Variants in MYT1L observed in about 807,000 individuals in gnomAD.
The protein encoded by MYT1L is myelin transcription factor 1-like protein.
Under a neutral mutation model 126.7 loss-of-function variants are expected in MYT1L, and 12 were observed. That is an observed-to-expected ratio of 0.09 (90% confidence interval 0.06 to 0.15). MYT1L has a LOEUF of 0.15. Ranked by LOEUF, MYT1L falls within the 10% of genes least tolerant of loss-of-function variation. The pLI is 1.00. For synonymous variants in MYT1L, 541 were observed against 604.2 expected, an observed-to-expected ratio of 0.90 and a Z score of 1.53; for missense variants, 979 against 1,585.2, an observed-to-expected ratio of 0.62 and a Z score of 6.49.
chr2:1,843,212 C>T (rs1235360863), intron 19 of MYT1L, among the ~76,000 whole-genome samples: 1 of 152,250 alleles, frequency 6.6e-6, no homozygotes, highest in African/African-American at 2.4e-5. Context: ...GCCTGGCTGT[C>T]CTCACAGTGC....
At chr2:2,176,787 C>T (rs150910640) in intron 2 of MYT1L, among the ~76,000 whole-genome samples, 1 of 152,144 alleles carries the variant, frequency 6.6e-6, no homozygotes, top group Non-Finnish European at 1.5e-5. Context: ...GCATGAATCA[C>T]CATGCCTGGC....
intron 3 of MYT1L, among the ~76,000 whole-genome samples, chr2:2,068,430 A>G (rs1360820025): frequency 6.6e-6 from 1 of 152,072 alleles, no homozygotes; most frequent in African/African-American, 2.4e-5. Context: ...CACCCAGGCC[A>G]GGGACCCTCC....
intron 3 of MYT1L, among the ~76,000 whole-genome samples, chr2:2,170,325 A>G (rs545856156): frequency 7.2e-5 from 11 of 152,224 alleles, no homozygotes; most frequent in Non-Finnish European, 1.6e-4. Flanking sequence ...GCTGTAAATA[A>G]GGGTTGACAA....
Position 1,890,522 on chromosome 2 carries a change from C to G in MYT1L, c.2284-1045G>C, listed in dbSNP as rs928955035. On this transcript the variant is annotated intron_variant, in intron 15 of 24. Coordinates refer to ENST00000647738, the MANE Select transcript of MYT1L (RefSeq NM_001303052.2). The stretch of plus-strand genomic sequence containing the variant: ...TTAGTCTACTGGCTTAAAAAAAAAC[C>G]CCAAAGAGGTACAGGGTGAGGCTCT... Among the ~76,000 whole-genome samples the G allele has an allele frequency of 3.9e-5, 6 of 152,060 alleles. No homozygotes were observed. The East Asian group carries it at 1.2e-3, about 29-fold the overall frequency.
chr2:1,946,838 C>T (rs1553344234), intron 8 of MYT1L, among the ~76,000 whole-genome samples: 1 of 152,182 alleles, frequency 6.6e-6, no homozygotes, highest in Admixed American at 6.5e-5. Context: ...GACAACCTGT[C>T]AAGTCTAAGC....
chr2:1,893,903 C>T (rs12466883), intron 14 of MYT1L, among the ~76,000 whole-genome samples: 7,510 of 152,194 alleles, frequency 0.049, 280 homozygotes, highest in East Asian at 0.16. Flanking sequence ...CTGTAATGCA[C>T]AGGCCTCTGC....
At chr2:2,186,127 C>T (rs2092148757) in intron 2 of MYT1L, among the ~76,000 whole-genome samples, 1 of 136,414 alleles carries the variant, frequency 7.3e-6, no homozygotes. Context: ...TCCCGCGTTC[C>T]TTCCGTGAGG....
intron 13 of MYT1L, among the ~76,000 whole-genome samples, chr2:1,905,395 C>T (rs796137588): frequency 8.6e-5 from 13 of 151,718 alleles, no homozygotes; most frequent in African/African-American, 2.9e-4. Flanking sequence ...TGCTCTGTTG[C>T]CAGGCTGGAG....
chr2:2,147,723 T>A (rs1249072379), intron 3 of MYT1L, among the ~76,000 whole-genome samples: 1 of 152,086 alleles, frequency 6.6e-6, no homozygotes, highest in Admixed American at 6.6e-5. Context: ...AGAGCTGAAA[T>A]GGCAGCCAAA....
At chr2:2,213,006 T>C (rs1449649745) in intron 2 of MYT1L, among the ~76,000 whole-genome samples, 1 of 152,022 alleles carries the variant, frequency 6.6e-6, no homozygotes, top group African/African-American at 2.4e-5. Context: ...AGAGTGGACT[T>C]TATTCTCATC....
chr2:2,211,798 C>G (rs1572501073), intron 2 of MYT1L, among the ~76,000 whole-genome samples: 1 of 104,524 alleles, frequency 9.6e-6, no homozygotes, highest in African/African-American at 4.6e-5. Flanking sequence ...AGAGAGACTC[C>G]ATGTCAAAAA....
At chr2:1,891,889 T>C (rs1374636779) in intron 15 of MYT1L, 148 bp downstream of exon 15, 1 of 1,372,788 alleles carries the variant, frequency 7.3e-7, no homozygotes, top group Non-Finnish European at 9.5e-7. Context: ...GAAGCTGCAC[T>C]AATTGTTCAC....
chr2:1,964,946 C>T (rs2059223945), intron 8 of MYT1L, among the ~76,000 whole-genome samples: 2 of 152,222 alleles, frequency 1.3e-5, no homozygotes, highest in Admixed American at 6.5e-5. Context: ...GCAGCACTCA[C>T]CAAGCAATCC....
chr2:1,973,779 G>A (rs2059974315), intron 8 of MYT1L, among the ~76,000 whole-genome samples: 1 of 152,206 alleles, frequency 6.6e-6, no homozygotes. Flanking sequence ...ACCCCGTGAT[G>A]CTTCCCCTGC....
At chr2:1,934,180 T>C (rs1043213350) in intron 9 of MYT1L, among the ~76,000 whole-genome samples, 6 of 151,366 alleles carry the variant, frequency 4.0e-5, no homozygotes, top group Non-Finnish European at 7.4e-5. Flanking sequence ...TTCATCGTGT[T>C]AGCCAGGATG....
intron 23 of MYT1L, among the ~76,000 whole-genome samples, chr2:1,799,603 C>T (rs1011854029): frequency 1.3e-5 from 2 of 152,360 alleles, no homozygotes; most frequent in East Asian, 1.9e-4. Context: ...ACCATGGACT[C>T]AACACCCTGG....
chr2:1,976,314 T>C (rs1293014009), intron 8 of MYT1L, among the ~76,000 whole-genome samples: 1 of 152,026 alleles, frequency 6.6e-6, no homozygotes, highest in African/African-American at 2.4e-5. Context: ...AGGGATAGCT[T>C]TCATAGTCAG....
intron 9 of MYT1L, among the ~76,000 whole-genome samples, chr2:1,933,467 C>A (rs1356506902): frequency 1.3e-5 from 2 of 152,186 alleles, no homozygotes; most frequent in African/African-American, 2.4e-5. Context: ...GAACACTGAA[C>A]AAAAATTTAT....
chr2:2,095,408 G>T (rs1329945178), intron 3 of MYT1L, among the ~76,000 whole-genome samples: 1 of 152,150 alleles, frequency 6.6e-6, no homozygotes, highest in Non-Finnish European at 1.5e-5. Flanking sequence ...TATGAAAAGG[G>T]TCATGTAGGC....
Sources: allele counts gnomAD v4.1 joint callset (sites outside exome capture counted in the v4.1 genomes callset), GRCh38; gene constraint gnomAD v4.1.1; transcripts MANE v1.5; gene names NCBI Gene and HGNC (gene_info 2026-07-23, HGNC 2026-07-21).